The following CCSER1 variants were observed in gnomAD, a reference collection of about 807,000 sequenced individuals.
CCSER1 encodes serine-rich coiled-coil domain-containing protein 1.
Under a neutral mutation model 82.0 loss-of-function variants are expected in CCSER1, and 41 were observed. That is an observed-to-expected ratio of 0.50 (90% CI 0.39 to 0.65). CCSER1 has a LOEUF of 0.65. Ranked by LOEUF, CCSER1 falls within the 30% of genes least tolerant of loss-of-function variation. The pLI, the probability that CCSER1 is intolerant of heterozygous loss-of-function variation, is 0.00. For synonymous variants in CCSER1, 414 were observed against 383.9 expected (o/e 1.08, Z -0.92); for missense variants, 1,119 against 1,064.2 (o/e 1.05, Z -0.72).
intron 10 of CCSER1, among the ~76,000 whole-genome samples, chr4:91,354,177 T>C (rs1179324406): frequency 6.6e-6 from 1 of 152,196 alleles, no homozygotes; most frequent in Non-Finnish European, 1.5e-5. Context: ...AGATGGGGGT[T>C]TGATATCCTC....
intron 8 of CCSER1, among the ~76,000 whole-genome samples, chr4:90,891,278 G>T (rs1483890864): frequency 6.6e-6 from 1 of 151,420 alleles, no homozygotes; most frequent in Non-Finnish European, 1.5e-5. Context: ...TATATACAAA[G>T]GGATATTATT....
intron 1 of CCSER1, among the ~76,000 whole-genome samples, chr4:90,257,521 A>G (rs1723539467): frequency 6.6e-6 from 1 of 151,412 alleles, no homozygotes; most frequent in South Asian, 2.1e-4. Context: ...AGAGAGTGCC[A>G]ATAGGATACA....
intron 10 of CCSER1, among the ~76,000 whole-genome samples, chr4:91,165,590 G>A (rs1731957950): frequency 6.6e-6 from 1 of 152,204 alleles, no homozygotes; most frequent in Non-Finnish European, 1.5e-5. Flanking sequence ...TCCATCCAGT[G>A]TGAGCTTCCC....
At chr4:90,392,629 A>G (rs1751377182) in intron 3 of CCSER1, among the ~76,000 whole-genome samples, 1 of 152,126 alleles carries the variant, frequency 6.6e-6, no homozygotes, top group South Asian at 2.1e-4. Context: ...GAATAACATA[A>G]GCTCTCTATT....
At chr4:90,612,985 T>C (rs1720535885) in intron 5 of CCSER1, among the ~76,000 whole-genome samples, 1 of 152,064 alleles carries the variant, frequency 6.6e-6, no homozygotes, top group Admixed American at 6.6e-5. Context: ...TAATGAATTC[T>C]GAGTATCCAG....
intron 9 of CCSER1, among the ~76,000 whole-genome samples, chr4:91,040,805 A>G (rs1741895496): frequency 6.6e-6 from 1 of 152,214 alleles, no homozygotes; most frequent in Admixed American, 6.5e-5. Flanking sequence ...CATTCCTGAG[A>G]GTTTTCACTG....
chr4:91,463,542 G>A (rs1437647673), intron 10 of CCSER1, among the ~76,000 whole-genome samples: 4 of 151,986 alleles, frequency 2.6e-5, no homozygotes, highest in African/African-American at 7.2e-5. Flanking sequence ...GGCGTCAGAC[G>A]ATCAAACTTC....
At chr4:91,250,225 G>GA (rs893194844) in intron 10 of CCSER1, among the ~76,000 whole-genome samples, 11 of 150,090 alleles carry the variant, frequency 7.3e-5, no homozygotes, top group Non-Finnish European at 1.0e-4. Context: ...CAGATGGCTT[G>GA]AAAAAAAAAT....
intron 9 of CCSER1, among the ~76,000 whole-genome samples, chr4:91,008,515 G>C (rs964796578): frequency 6.6e-6 from 1 of 152,026 alleles, no homozygotes; most frequent in Admixed American, 6.6e-5. Context: ...CTTCAATATA[G>C]TCACCCGTGC....
intron 10 of CCSER1, among the ~76,000 whole-genome samples, chr4:91,490,682 A>C (rs1758470276): frequency 6.6e-6 from 1 of 150,752 alleles, no homozygotes; most frequent in African/African-American, 2.4e-5. Flanking sequence ...TTGATAGCAC[A>C]ACAGTTGTGC....
chr4:90,341,042 G>T (rs1358444975), intron 3 of CCSER1, among the ~76,000 whole-genome samples: 1 of 152,068 alleles, frequency 6.6e-6, no homozygotes, highest in East Asian at 1.9e-4. Flanking sequence ...GCTGTAAAGA[G>T]AGCTGTGATA....
At chr4:90,296,430 TA>T (rs1307332100) in intron 1 of CCSER1, among the ~76,000 whole-genome samples, 1 of 152,058 alleles carries the variant, frequency 6.6e-6, no homozygotes, top group Non-Finnish European at 1.5e-5. Flanking sequence ...AATTTTCTCC[TA>T]TTCTGTAGGT....
intron 1 of CCSER1, among the ~76,000 whole-genome samples, chr4:90,128,827 TTCTCTC>T (rs147910382): frequency 6.7e-6 from 1 of 150,214 alleles, no homozygotes; most frequent in African/African-American, 2.4e-5. Context: ...ACTGCTCTCT[TTCTCTC>T]TCTCTCTCTC....
chr4:90,296,837 G>A (rs1579023489), intron 1 of CCSER1, among the ~76,000 whole-genome samples: 1 of 152,178 alleles, frequency 6.6e-6, no homozygotes, highest in East Asian at 1.9e-4. Flanking sequence ...GCTCTGTTCT[G>A]TTCCATTGAT....
intron 5 of CCSER1, among the ~76,000 whole-genome samples, chr4:90,562,026 T>C (rs1160099021): frequency 6.6e-6 from 1 of 151,630 alleles, no homozygotes; most frequent in Non-Finnish European, 1.5e-5. Flanking sequence ...CCGTCTCTAC[T>C]AAATATACCA....
chr4:91,439,284 C>T (rs550947605), intron 10 of CCSER1, among the ~76,000 whole-genome samples: 13 of 152,106 alleles, frequency 8.5e-5, no homozygotes, highest in South Asian at 2.1e-4. Flanking sequence ...GCGGATCTCT[C>T]GGCAGAAACT....
chr4:90,445,834 A>G (rs531202289), intron 4 of CCSER1, among the ~76,000 whole-genome samples: 42 of 152,260 alleles, frequency 2.8e-4, no homozygotes, highest in African/African-American at 8.9e-4. Context: ...ATGTTGCTAT[A>G]TATCTTGACT....
At chr4:90,804,738 A>G (rs1229124690) in intron 7 of CCSER1, among the ~76,000 whole-genome samples, 1 of 152,200 alleles carries the variant, frequency 6.6e-6, no homozygotes, top group African/African-American at 2.4e-5. Flanking sequence ...ATACAGGCAA[A>G]ATGCATTATA....
At chr4:90,484,441 A>T (rs1328446547) in intron 5 of CCSER1, among the ~76,000 whole-genome samples, 4 of 151,876 alleles carry the variant, frequency 2.6e-5, no homozygotes. Flanking sequence ...GGAGGAGGAG[A>T]GGTGCTTTGA....
Sources: gnomAD v4.1 joint callset for allele counts (sites outside exome capture counted in the v4.1 genomes callset) on GRCh38, gnomAD v4.1.1 for gene constraint, MANE v1.5 for transcripts, NCBI Gene and HGNC (gene_info 2026-07-23, HGNC 2026-07-21) for gene names.